BRD10: variants seen among roughly 807,000 people sequenced by gnomAD.
The protein encoded by BRD10 is uncharacterized bromodomain-containing protein 10.
At chr9:5,948,665 AAAC>A in the BRD10 span, among the ~76,000 whole-genome samples, 2 of 152,168 alleles carry the variant, frequency 1.3e-5, no homozygotes, top group Non-Finnish European at 2.9e-5. Context: ...TAAAAAATAC[AAAC>A]AATATGGTAG....
chr9:6,007,189 G>C, the BRD10 span: 1 of 1,609,684 alleles, frequency 6.2e-7, no homozygotes, highest in Non-Finnish European at 8.5e-7. Context: ...GACCGGGCTC[G>C]CTTACCGAGA....
At chr9:6,007,462 G>A in the BRD10 span, 1 of 1,608,796 alleles carries the variant, frequency 6.2e-7, no homozygotes, top group Non-Finnish European at 8.5e-7. Flanking sequence ...CTCCGCGGTG[G>A]CAACGCCCCC....
the BRD10 span, among the ~76,000 whole-genome samples, chr9:5,886,142 T>C: frequency 1.3e-5 from 2 of 152,152 alleles, no homozygotes; most frequent in Non-Finnish European, 2.9e-5. Flanking sequence ...GCTCACAATA[T>C]TGTGGGGAGC....
the BRD10 span, chr9:5,909,017 T>C: frequency 2.9e-6 from 1 of 342,720 alleles, no homozygotes; most frequent in African/African-American, 2.1e-5. Context: ...GTGGGTATTC[T>C]GGGGCCATCC....
At chr9:5,955,033 A>C in the BRD10 span, among the ~76,000 whole-genome samples, 1 of 152,094 alleles carries the variant, frequency 6.6e-6, no homozygotes, top group Non-Finnish European at 1.5e-5. Context: ...GGTTGTAGTG[A>C]GCCAAGATCG....
At chr9:5,903,169 T>C in the BRD10 span, among the ~76,000 whole-genome samples, 1 of 152,258 alleles carries the variant, frequency 6.6e-6, no homozygotes, top group African/African-American at 2.4e-5. Context: ...GCTTTAATTC[T>C]ATTATAGTCT....
chr9:5,969,536 T>G, the BRD10 span: 1 of 781,632 alleles, frequency 1.3e-6, no homozygotes, highest in Non-Finnish European at 2.0e-6. Flanking sequence ...CAATCAACTG[T>G]CCTAGTTTTA....
chr9:5,969,809 G>C, the BRD10 span, among the ~76,000 whole-genome samples: 3 of 152,268 alleles, frequency 2.0e-5, no homozygotes, highest in African/African-American at 7.2e-5. Flanking sequence ...GCCTCCCAAA[G>C]TGTTGAGATT....
the BRD10 span, among the ~76,000 whole-genome samples, chr9:5,917,310 G>A: frequency 6.6e-6 from 1 of 152,288 alleles, no homozygotes; most frequent in East Asian, 1.9e-4. Context: ...TGGAACATTA[G>A]GTCAAAGAAG....
chr9:5,964,693 T>G, the BRD10 span, among the ~76,000 whole-genome samples: 14 of 145,786 alleles, frequency 9.6e-5, no homozygotes, highest in South Asian at 3.2e-3. Flanking sequence ...TAAGGAAATG[T>G]GGCACATATA....
At chr9:5,969,525 G>A in the BRD10 span, 136,505 of 841,806 alleles carry the variant, frequency 0.16, 11,391 homozygotes, top group Middle Eastern at 0.26. Context: ...AGCCAAAAAG[G>A]CAATCAACTG....
the BRD10 span, among the ~76,000 whole-genome samples, chr9:5,957,816 G>C: frequency 6.6e-6 from 1 of 151,740 alleles, no homozygotes; most frequent in Non-Finnish European, 1.5e-5. Context: ...TTTAAAAATC[G>C]AGCATGAGAT....
the BRD10 span, among the ~76,000 whole-genome samples, chr9:5,959,932 C>CA: frequency 6.6e-6 from 1 of 152,174 alleles, no homozygotes; most frequent in Non-Finnish European, 1.5e-5. Context: ...AACTTTTCCA[C>CA]AAAAGTTTTC....
chr9:5,953,854 C>T, the BRD10 span, among the ~76,000 whole-genome samples: 1 of 152,064 alleles, frequency 6.6e-6, no homozygotes, highest in Non-Finnish European at 1.5e-5. Context: ...CAGATTAAAT[C>T]TTGGTTACAT....
At chr9:6,007,019 A>T in the BRD10 span, among the ~76,000 whole-genome samples, 1 of 151,574 alleles carries the variant, frequency 6.6e-6, no homozygotes, top group African/African-American at 2.4e-5. Context: ...TTCGGCCCAC[A>T]CCCACCACAC....
the BRD10 span, among the ~76,000 whole-genome samples, chr9:5,944,706 T>G: frequency 6.6e-6 from 1 of 152,062 alleles, no homozygotes; most frequent in Non-Finnish European, 1.5e-5. Context: ...CTATTAAAAA[T>G]GAAAACTAGA....
At chr9:5,973,723 T>C in the BRD10 span, among the ~76,000 whole-genome samples, 1 of 151,882 alleles carries the variant, frequency 6.6e-6, no homozygotes, top group African/African-American at 2.4e-5. Context: ...ATTTCATCTC[T>C]TAAAAAAAAC....
chr9:5,910,161 G>A, the BRD10 span: 1 of 152,126 alleles, frequency 6.6e-6, no homozygotes, highest in Non-Finnish European at 1.5e-5. Flanking sequence ...TAACTGGAAG[G>A]CTTACAAGAG....
chr9:5,908,997 C>A, the BRD10 span: 1 of 373,646 alleles, frequency 2.7e-6, no homozygotes. Flanking sequence ...TTCTGAGAGA[C>A]AGAATTCAAG....
Sources: gnomAD v4.1 joint callset for allele counts (sites outside exome capture counted in the v4.1 genomes callset) on GRCh38, gnomAD v4.1.1 for gene constraint, MANE v1.5 for transcripts, NCBI Gene and HGNC (gene_info 2026-07-23, HGNC 2026-07-21) for gene names.